Variants in MACROD2 observed in about 807,000 individuals in gnomAD.
MACROD2 encodes mono-ADP ribosylhydrolase 2.
Under a neutral mutation model 70.4 loss-of-function variants are expected in MACROD2, and 36 were observed. That is an observed-to-expected ratio of 0.51 (90% CI 0.39 to 0.68). The LOEUF is 0.68. MACROD2 is among the 30% of genes least tolerant of loss of function. The pLI, the probability that MACROD2 is intolerant of heterozygous loss-of-function variation, is 0.00. For missense variants in MACROD2, 496 were observed against 538.4 expected (o/e 0.92, Z 0.78); for synonymous variants, 172 against 178.8 (o/e 0.96, Z 0.30).
intron 8 of MACROD2, among the ~76,000 whole-genome samples, chr20:15,672,557 T>C (rs1306574038): frequency 6.6e-6 from 1 of 152,158 alleles, no homozygotes; most frequent in Admixed American, 6.5e-5. Flanking sequence ...CTCCAGGTTC[T>C]TCAGATGGGG....
chr20:14,473,472 A>T (rs2084553426), intron 3 of MACROD2, among the ~76,000 whole-genome samples: 1 of 152,180 alleles, frequency 6.6e-6, no homozygotes, highest in South Asian at 2.1e-4. Context: ...GTTGCAAGTG[A>T]CAGAACTGTC....
At position 15,081,839 on chromosome 20, in the gene MACROD2, A is replaced by G. The variant is rs545834782; in HGVS notation, c.419-148101A>G. 3.9e-5 allele frequency among the ~76,000 whole-genome samples: 6 copies of G among 152,348 alleles called. No individual in the cohort carries two copies. The South Asian group carries it at 1.0e-3, about 26-fold the overall frequency. ...ATACATACTTAGTTTACTAGAATGT[A>G]ATACTTGGTACCTTAAACCATCTGT... On this transcript the variant is annotated intron_variant, in intron 5 of 17. Coordinates refer to ENST00000684519, the MANE Select transcript of MACROD2 (RefSeq NM_001351661.2).
At chr20:15,333,116 A>C (rs895579899) in intron 6 of MACROD2, among the ~76,000 whole-genome samples, 1 of 151,594 alleles carries the variant, frequency 6.6e-6, no homozygotes, top group Non-Finnish European at 1.5e-5. Context: ...ACCTAGAGCA[A>C]TGGTTCCCAG....
intron 2 of MACROD2, among the ~76,000 whole-genome samples, chr20:14,080,106 G>A (rs565186189): frequency 6.6e-6 from 1 of 152,170 alleles, no homozygotes; most frequent in East Asian, 1.9e-4. Flanking sequence ...GGAAAAATAT[G>A]GTAGTGCTTG....
intron 3 of MACROD2, among the ~76,000 whole-genome samples, chr20:14,134,370 T>G (rs928166529): frequency 6.6e-6 from 1 of 152,268 alleles, no homozygotes; most frequent in Non-Finnish European, 1.5e-5. Context: ...AAAAAGGTTA[T>G]GATTCCCCTA....
intron 3 of MACROD2, among the ~76,000 whole-genome samples, chr20:14,114,523 G>T (rs934161010): frequency 6.6e-6 from 1 of 152,110 alleles, no homozygotes; most frequent in Non-Finnish European, 1.5e-5. Context: ...GGCATCTGTA[G>T]CTCTGAGAGG....
At chr20:14,655,317 C>T (rs1397109056) in intron 4 of MACROD2, among the ~76,000 whole-genome samples, 2 of 99,532 alleles carry the variant, frequency 2.0e-5, no homozygotes, top group Non-Finnish European at 3.9e-5. Context: ...CCAAAGTGGA[C>T]ACTGTGTGTG....
intron 4 of MACROD2, among the ~76,000 whole-genome samples, chr20:14,565,421 CCA>C (rs1979731902): frequency 6.6e-6 from 1 of 151,790 alleles, no homozygotes; most frequent in Non-Finnish European, 1.5e-5. Context: ...CCTTTTGTAG[CCA>C]CATTCATTTC....
intron 5 of MACROD2, among the ~76,000 whole-genome samples, chr20:14,917,191 T>G (rs1026919488): frequency 6.6e-6 from 1 of 150,560 alleles, no homozygotes; most frequent in Non-Finnish European, 1.5e-5. Context: ...CCACCCTCCA[T>G]TGTGCATCCT....
chr20:15,918,785 C>T lies in MACROD2; in HGVS notation c.776-14491C>T, dbSNP rs1043033860. 2.6e-5 allele frequency among the ~76,000 whole-genome samples: 4 copies of T among 152,200 alleles called. No individual in the cohort carries two copies. The East Asian group carries it at 7.7e-4, about 29-fold the overall frequency. ...GTGTGCTCTATCATCCCTCCACCAT[C>T]GGACTGTTTCTGTCTACTGCTGCCT... On this transcript the variant is annotated intron_variant, in intron 10 of 17. Transcript: ENST00000684519.
intron 6 of MACROD2, among the ~76,000 whole-genome samples, chr20:15,377,950 C>T (rs1853252432): frequency 6.6e-6 from 1 of 151,842 alleles, no homozygotes; most frequent in South Asian, 2.1e-4. Flanking sequence ...AATGAGAACA[C>T]ATGGACACAG....
At position 14,841,544 on chromosome 20, in the gene MACROD2, A is replaced by G. The variant is rs577385042; in HGVS notation, c.418+156585A>G. 5.3e-5 allele frequency among the ~76,000 whole-genome samples: 8 copies of G among 152,002 alleles called. No individual in the cohort carries two copies. The South Asian group carries it at 1.5e-3, about 28-fold the overall frequency. Reference sequence around the variant, plus strand: ...GTTTTCAGGAAAAAAAAAAGAATATAGAAAGGCAGCCCTTGCCACATACAA... The same window carrying G: ...GTTTTCAGGAAAAAAAAAAGAATATGGAAAGGCAGCCCTTGCCACATACAA... On this transcript the variant is annotated intron_variant, in intron 5 of 17. Transcript: ENST00000684519.
At chr20:15,628,693 A>C (rs569198826) in intron 8 of MACROD2, among the ~76,000 whole-genome samples, 1 of 152,238 alleles carries the variant, frequency 6.6e-6, no homozygotes, top group Non-Finnish European at 1.5e-5. Context: ...CAGATGGGCT[A>C]GTCTAGAAGG....
At chr20:14,099,107 A>G (rs1485446248) in intron 3 of MACROD2, among the ~76,000 whole-genome samples, 1 of 152,120 alleles carries the variant, frequency 6.6e-6, no homozygotes, top group East Asian at 1.9e-4. Context: ...GTGAAACTCC[A>G]TCTCTACTAA....
At chr20:15,226,619 G>T (rs1036324784) in intron 5 of MACROD2, among the ~76,000 whole-genome samples, 2 of 151,994 alleles carry the variant, frequency 1.3e-5, no homozygotes, top group East Asian at 3.9e-4. Flanking sequence ...TGAAACTATT[G>T]TGAAAAATTA....
intron 8 of MACROD2, among the ~76,000 whole-genome samples, chr20:15,819,028 C>T (rs139187335): frequency 1.3e-4 from 19 of 151,932 alleles, no homozygotes; most frequent in African/African-American, 3.9e-4. Flanking sequence ...TACCATGTGA[C>T]GCAACAATCT....
intron 4 of MACROD2, among the ~76,000 whole-genome samples, chr20:14,558,365 A>G (rs1979194223): frequency 6.6e-6 from 1 of 151,768 alleles, no homozygotes; most frequent in South Asian, 2.1e-4. Flanking sequence ...TAAAAATGTA[A>G]ATGGTCTAAA....
At chr20:14,820,376 T>TTG (rs1188842368) in intron 5 of MACROD2, among the ~76,000 whole-genome samples, 79 of 115,956 alleles carry the variant, frequency 6.8e-4, no homozygotes, top group African/African-American at 2.0e-3. Context: ...TTTTTTTTTT[T>TTG]GTTTTCTCTG....
intron 5 of MACROD2, among the ~76,000 whole-genome samples, chr20:15,100,348 C>A (rs981754045): frequency 8.6e-5 from 13 of 152,016 alleles, no homozygotes; most frequent in Admixed American, 7.9e-4. Context: ...AGGCACAAGC[C>A]TGTTGTAAGT....
Sources: gnomAD v4.1 joint callset for allele counts (sites outside exome capture counted in the v4.1 genomes callset) on GRCh38, gnomAD v4.1.1 for gene constraint, MANE v1.5 for transcripts, NCBI Gene and HGNC (gene_info 2026-07-23, HGNC 2026-07-21) for gene names.